The following EXOC2 variants were observed in gnomAD, a reference collection of about 807,000 sequenced individuals.
EXOC2 encodes exocyst complex component 2.
EXOC2 carries 70 observed loss-of-function variants against 131.8 expected under a neutral mutation model. The observed-to-expected ratio is 0.53, with a 90% confidence interval of 0.44 to 0.65. The LOEUF is 0.65. EXOC2 is among the 30% of genes least tolerant of loss of function. EXOC2 has a pLI of 0.00. For missense variants in EXOC2, 923 were observed against 1,108.6 expected, an observed-to-expected ratio of 0.83 and a Z score of 2.38; for synonymous variants, 411 against 398.4, an observed-to-expected ratio of 1.03 and a Z score of -0.38.
chr6:681,788 G>T (rs1401668486), intron 1 of EXOC2, among the ~76,000 whole-genome samples: 4 of 152,340 alleles, frequency 2.6e-5, no homozygotes, highest in Non-Finnish European at 5.9e-5. Context: ...TGGAAATAGG[G>T]TTTTTAAAGT....
At chr6:670,717 T>C (rs763142799) in intron 1 of EXOC2, among the ~76,000 whole-genome samples, 3 of 152,218 alleles carry the variant, frequency 2.0e-5, no homozygotes, top group Non-Finnish European at 4.4e-5. Flanking sequence ...GTCTCAAAAA[T>C]GATGCCACAA....
intron 12 of EXOC2, among the ~76,000 whole-genome samples, chr6:573,111 A>G (rs1758376429): frequency 6.6e-6 from 1 of 152,272 alleles, no homozygotes; most frequent in African/African-American, 2.4e-5. Flanking sequence ...GTGAGAATGC[A>G]GGAAGGAATC....
At chr6:671,440 G>A (rs1763866081) in intron 1 of EXOC2, among the ~76,000 whole-genome samples, 1 of 151,964 alleles carries the variant, frequency 6.6e-6, no homozygotes, top group African/African-American at 2.4e-5. Flanking sequence ...GCATGAATGT[G>A]GGGTGTAGGT....
At chr6:654,827 A>AAAAAAAG in intron 1 of EXOC2, among the ~76,000 whole-genome samples, 1 of 143,478 alleles carries the variant, frequency 7.0e-6, no homozygotes, top group Non-Finnish European at 1.5e-5. Context: ...AAAAAAAAAA[A>AAAAAAAG]AAAAAAAAAA....
intron 12 of EXOC2, among the ~76,000 whole-genome samples, chr6:573,685 A>G (rs1039396105): frequency 6.9e-6 from 1 of 144,384 alleles, no homozygotes; most frequent in Non-Finnish European, 1.5e-5. Flanking sequence ...TTTATTAAGA[A>G]ATTTTATTAA....
chr6:659,299 G>A (rs1429256307), intron 1 of EXOC2, among the ~76,000 whole-genome samples: 2 of 152,286 alleles, frequency 1.3e-5, no homozygotes, highest in Admixed American at 6.5e-5. Context: ...AACTAATGAC[G>A]AATCCTCTAG....
chr6:557,847 A>G (rs997448000), intron 17 of EXOC2, among the ~76,000 whole-genome samples: 1 of 152,138 alleles, frequency 6.6e-6, no homozygotes, highest in African/African-American at 2.4e-5. Context: ...CCACTGGGAA[A>G]GCAGGAGCAC....
At chr6:497,767 T>A (rs1439006843) in intron 24 of EXOC2, among the ~76,000 whole-genome samples, 1 of 152,224 alleles carries the variant, frequency 6.6e-6, no homozygotes, top group African/African-American at 2.4e-5. Context: ...TGAACATTTC[T>A]TTTGCCTCTT....
At chr6:504,238 G>A (rs527492651) in intron 23 of EXOC2, among the ~76,000 whole-genome samples, 3 of 152,368 alleles carry the variant, frequency 2.0e-5, no homozygotes, top group Non-Finnish European at 2.9e-5. Flanking sequence ...TGCAGGGCTC[G>A]CCTGCGGCCT....
intron 4 of EXOC2, among the ~76,000 whole-genome samples, chr6:620,857 A>T (rs1761253530): frequency 2.6e-5 from 4 of 152,212 alleles, no homozygotes; most frequent in African/African-American, 9.6e-5. Flanking sequence ...CAAGAATGGA[A>T]TGTCCTTCGG....
chr6:677,339 G>T (rs1177909045), intron 1 of EXOC2, among the ~76,000 whole-genome samples: 1 of 152,234 alleles, frequency 6.6e-6, no homozygotes, highest in African/African-American at 2.4e-5. Context: ...TGAAGTTTTT[G>T]TGTTTAGTGC....
intron 1 of EXOC2, among the ~76,000 whole-genome samples, chr6:690,957 T>C (rs912393816): frequency 6.6e-6 from 1 of 152,146 alleles, no homozygotes; most frequent in Admixed American, 6.5e-5. Context: ...CAAAATCCTC[T>C]CAACAGTGAC....
chr6:664,739 T>C (rs1333767074), intron 1 of EXOC2, among the ~76,000 whole-genome samples: 1 of 152,102 alleles, frequency 6.6e-6, no homozygotes, highest in Non-Finnish European at 1.5e-5. Flanking sequence ...TAGCCACATG[T>C]AGGAGAATAA....
intron 23 of EXOC2, among the ~76,000 whole-genome samples, chr6:514,406 G>C (rs953676068): frequency 1.3e-5 from 2 of 152,186 alleles, no homozygotes; most frequent in African/African-American, 4.8e-5. Flanking sequence ...TTCTATCCTG[G>C]TTTTGGGAGA....
chr6:656,089 AT>A, intron 1 of EXOC2: 1 of 1,552,394 alleles, frequency 6.4e-7, no homozygotes, highest in Non-Finnish European at 8.8e-7. Context: ...TAAAAAAAAA[AT>A]CTAAGCTGGC....
intron 23 of EXOC2, among the ~76,000 whole-genome samples, chr6:517,599 A>G: frequency 6.6e-6 from 1 of 152,234 alleles, no homozygotes; most frequent in East Asian, 1.9e-4. Flanking sequence ...TAAGAAATAG[A>G]TTATGAAAAC....
chr6:501,022 C>T lies in EXOC2; in HGVS notation c.2381-1322G>A, dbSNP rs562203912. Among the ~76,000 whole-genome samples, 4 of 141,776 alleles carry T rather than the reference C, an allele frequency of 2.8e-5. No homozygotes were observed. In the South Asian group the frequency reaches 6.4e-4, roughly 23 times the overall value. 93.0% of individuals were successfully genotyped at this position (141,776 alleles called of 152,430 possible). A position where few individuals can be genotyped will look rare whatever the true frequency, so the allele number is the denominator to read the frequency against. ...CAATATCAAGGGCATAGGTATATAT[C>T]GAGATATATATAGAGACATATAGAT... On this transcript the variant is annotated intron_variant, in intron 23 of 27. Coordinates refer to ENST00000230449, the MANE Select transcript of EXOC2 (RefSeq NM_018303.6).
At chr6:683,905 A>G (rs1764523804) in intron 1 of EXOC2, among the ~76,000 whole-genome samples, 1 of 152,252 alleles carries the variant, frequency 6.6e-6, no homozygotes, top group Admixed American at 6.5e-5. Flanking sequence ...CCTGTCAGGA[A>G]AGGACAGCCC....
intron 23 of EXOC2, among the ~76,000 whole-genome samples, chr6:530,792 C>T (rs1039777830): frequency 2.6e-5 from 4 of 152,232 alleles, no homozygotes; most frequent in African/African-American, 7.2e-5. Context: ...TCTGTGGATT[C>T]AACCAACCAT....
Sources: gnomAD v4.1 joint callset for allele counts (sites outside exome capture counted in the v4.1 genomes callset) on GRCh38, gnomAD v4.1.1 for gene constraint, MANE v1.5 for transcripts, NCBI Gene and HGNC (gene_info 2026-07-23, HGNC 2026-07-21) for gene names.